Variants in WWOX observed in about 807,000 individuals in gnomAD.
The protein encoded by WWOX is WW domain containing oxidoreductase.
A neutral mutation model predicts 46.2 loss-of-function variants in WWOX; 69 were observed. The observed-to-expected ratio is 1.49, with a 90% CI of 1.23 to 1.82. The LOEUF is 1.82. Among genes scored for constraint, WWOX ranks in the 40% most tolerant of loss-of-function variants. The pLI, the probability that WWOX is intolerant of heterozygous loss-of-function variation, is 0.00. For synonymous variants in WWOX, 359 were observed against 202.6 expected, an observed-to-expected ratio of 1.77 and a Z score of -6.56; for missense variants, 919 against 542.6, an observed-to-expected ratio of 1.69 and a Z score of -6.89.
chr16:78,550,484 C>G (rs1488846324), intron 8 of WWOX, among the ~76,000 whole-genome samples: 1 of 152,268 alleles, frequency 6.6e-6, no homozygotes, highest in East Asian at 1.9e-4. Context: ...GTTTGCTGGC[C>G]TCTGGTCAAG....
intron 5 of WWOX, among the ~76,000 whole-genome samples, chr16:78,303,675 G>A (rs1177001985): frequency 1.3e-5 from 2 of 152,192 alleles, no homozygotes; most frequent in Non-Finnish European, 2.9e-5. Context: ...CTCCTGAGTA[G>A]CTGGGATTAC....
At chr16:78,408,148 A>G (rs962978714) in intron 6 of WWOX, among the ~76,000 whole-genome samples, 3 of 152,188 alleles carry the variant, frequency 2.0e-5, no homozygotes, top group Non-Finnish European at 4.4e-5. Context: ...AAGCCAAGCT[A>G]CAAGTTAAAT....
intron 8 of WWOX, among the ~76,000 whole-genome samples, chr16:79,177,821 G>T (rs1471880015): frequency 6.6e-6 from 1 of 152,190 alleles, no homozygotes. Context: ...AGTACTAAAT[G>T]TTACCATTTT....
intron 8 of WWOX, among the ~76,000 whole-genome samples, chr16:78,526,701 C>G (rs1341440239): frequency 6.6e-6 from 1 of 152,174 alleles, no homozygotes; most frequent in Non-Finnish European, 1.5e-5. Context: ...AGACTGCAGC[C>G]TTTGCTGACC....
intron 8 of WWOX, among the ~76,000 whole-genome samples, chr16:78,886,258 A>G (rs1194906311): frequency 1.4e-5 from 2 of 147,458 alleles, no homozygotes; most frequent in African/African-American, 2.5e-5. Flanking sequence ...ACCCATACCC[A>G]TTGTACACAT....
In WWOX at chr16:78,201,674, ATTATTTAT is replaced by A. The variant is rs149809338; in HGVS notation, c.516+37419_516+37426del. Among the ~76,000 whole-genome samples the A allele has an allele frequency of 9.3e-3, 1,356 of 146,468 alleles. 20 individuals are homozygous for A. The highest frequency in any genetic ancestry group is 0.04 in the East Asian group (196 of 4,878). On this transcript the variant is annotated intron_variant, in intron 5 of 8. Coordinates refer to ENST00000566780, the MANE Select transcript of WWOX (RefSeq NM_016373.4). The stretch of plus-strand genomic sequence containing the variant: ...AGTCCCCTCACTGGGCATTCCTTGG[ATTATTTAT>A]TTATTTATTTATTTATTTATTTATT...
At chr16:78,957,460 G>A (rs2046190393) in intron 8 of WWOX, among the ~76,000 whole-genome samples, 2 of 152,178 alleles carry the variant, frequency 1.3e-5, no homozygotes, top group African/African-American at 4.8e-5. Flanking sequence ...GCTCATTGTA[G>A]ACATAGGGAT....
intron 8 of WWOX, among the ~76,000 whole-genome samples, chr16:78,876,959 C>T (rs2044246225): frequency 6.6e-6 from 1 of 152,080 alleles, no homozygotes; most frequent in African/African-American, 2.4e-5. Context: ...AAATGTGTTT[C>T]CTCTGTATAG....
At chr16:78,745,688 C>G (rs576304216) in intron 8 of WWOX, among the ~76,000 whole-genome samples, 1 of 151,646 alleles carries the variant, frequency 6.6e-6, no homozygotes, top group Non-Finnish European at 1.5e-5. Flanking sequence ...TCATAGACAT[C>G]CACCCCCTCA....
At chr16:78,226,325 C>T (rs1023029832) in intron 5 of WWOX, among the ~76,000 whole-genome samples, 1 of 152,138 alleles carries the variant, frequency 6.6e-6, no homozygotes, top group African/African-American at 2.4e-5. Context: ...TCTTACAGCT[C>T]AGATCCTGTG....
At chr16:78,738,764 C>A (rs779394008) in intron 8 of WWOX, among the ~76,000 whole-genome samples, 3 of 152,238 alleles carry the variant, frequency 2.0e-5, no homozygotes, top group African/African-American at 7.2e-5. Flanking sequence ...GCTGGTTAGA[C>A]CAGGGCTGTG....
intron 8 of WWOX, among the ~76,000 whole-genome samples, chr16:78,731,921 C>T (rs189808403): frequency 1.4e-5 from 2 of 147,858 alleles, no homozygotes; most frequent in Non-Finnish European, 3.0e-5. Flanking sequence ...CTTCACAGCT[C>T]TTTGCAGCCT....
At chr16:79,061,446 C>A (rs137994624) in intron 8 of WWOX, among the ~76,000 whole-genome samples, 68 of 152,308 alleles carry the variant, frequency 4.5e-4, no homozygotes, top group African/African-American at 1.5e-3. Context: ...TAGCAAAGCA[C>A]TTGGCACTCT....
Position 78,569,387 on chromosome 16 carries a change from C to T in WWOX, c.1056+136635C>T, listed in dbSNP as rs75080202. On this transcript the variant is annotated intron_variant, in intron 8 of 8. Coordinates refer to ENST00000566780, the MANE Select transcript of WWOX (RefSeq NM_016373.4). ...GTTTAAAATATCACTGTTTTGTTGA[C>T]ATTCACCTGTATTATACATTTCAGT... Among the ~76,000 whole-genome samples, 752 of 152,292 alleles carry T rather than the reference C, an allele frequency of 4.9e-3. 7 individuals carry two copies. The highest frequency in any genetic ancestry group is 0.016 in the African/African-American group (679 of 41,556).
chr16:78,604,774 CCCCCCTCCCT>C (rs1419340492), intron 8 of WWOX, among the ~76,000 whole-genome samples: 4 of 1,630 alleles, frequency 2.5e-3, no homozygotes, highest in African/African-American at 5.3e-3. Flanking sequence ...CTCCCTCCTT[CCCCCCTCCCT>C]CCTTCCCCCC....
intron 8 of WWOX, among the ~76,000 whole-genome samples, chr16:78,502,956 G>A (rs541495192): frequency 2.6e-4 from 40 of 152,310 alleles, no homozygotes; most frequent in African/African-American, 9.6e-4. Context: ...TGCTGTCTAA[G>A]AAAGGAAGGT....
intron 8 of WWOX, among the ~76,000 whole-genome samples, chr16:79,166,946 A>C (rs1267537926): frequency 6.6e-6 from 1 of 152,012 alleles, no homozygotes; most frequent in Admixed American, 6.6e-5. Flanking sequence ...TATATATAAT[A>C]ATTATTTTTT....
intron 4 of WWOX, among the ~76,000 whole-genome samples, chr16:78,138,626 C>T (rs1022752241): frequency 2.0e-5 from 3 of 152,134 alleles, no homozygotes; most frequent in African/African-American, 7.2e-5. Context: ...TTTTAAATTC[C>T]TTATTTTTCC....
chr16:78,875,341 T>C (rs2151207730), intron 8 of WWOX, among the ~76,000 whole-genome samples: 1 of 152,288 alleles, frequency 6.6e-6, no homozygotes, highest in African/African-American at 2.4e-5. Flanking sequence ...TTTGTAAGCC[T>C]TCTCTAGCTT....
Sources: allele counts gnomAD v4.1 joint callset (sites outside exome capture counted in the v4.1 genomes callset), GRCh38; gene constraint gnomAD v4.1.1; transcripts MANE v1.5; gene names NCBI Gene and HGNC (gene_info 2026-07-23, HGNC 2026-07-21).